The following CFAP299 variants were observed in gnomAD, a reference collection of about 807,000 sequenced individuals.
CFAP299 encodes cilia- and flagella-associated protein 299.
A neutral mutation model predicts 27.0 loss-of-function variants in CFAP299; 21 were observed. The observed-to-expected ratio is 0.78, with a 90% CI of 0.55 to 1.12. The LOEUF is 1.12. Among genes scored for constraint, CFAP299 ranks in the 50% most tolerant of loss-of-function variants. The pLI, the probability that CFAP299 is intolerant of heterozygous loss-of-function variation, is 0.00. For missense variants in CFAP299, 310 were observed against 276.6 expected (o/e 1.12, Z -0.86); for synonymous variants, 104 against 98.1 (o/e 1.06, Z -0.36).
At chr4:80,417,214 T>C (rs1361742472) in intron 2 of CFAP299, among the ~76,000 whole-genome samples, 1 of 152,196 alleles carries the variant, frequency 6.6e-6, no homozygotes, top group African/African-American at 2.4e-5. Context: ...TCTAGCATGC[T>C]AATACATTGT....
chr4:80,393,394 G>T (rs1725600545), intron 2 of CFAP299, among the ~76,000 whole-genome samples: 1 of 152,064 alleles, frequency 6.6e-6, no homozygotes, highest in African/African-American at 2.4e-5. Flanking sequence ...TGTTTATAAA[G>T]CCTACAGTAC....
chr4:80,762,891 G>T (rs919341291), intron 3 of CFAP299, among the ~76,000 whole-genome samples: 4 of 152,180 alleles, frequency 2.6e-5, no homozygotes, highest in African/African-American at 9.7e-5. Context: ...TCTACTTAGG[G>T]TCAGCTGAGG....
intron 3 of CFAP299, among the ~76,000 whole-genome samples, chr4:80,742,463 T>G (rs560388427): frequency 6.6e-6 from 1 of 152,302 alleles, no homozygotes; most frequent in African/African-American, 2.4e-5. Flanking sequence ...TAAAATAAAT[T>G]CCTTGCCCTC....
chr4:80,556,439 A>G (rs1367403956), intron 2 of CFAP299, among the ~76,000 whole-genome samples: 1 of 152,092 alleles, frequency 6.6e-6, no homozygotes, highest in Non-Finnish European at 1.5e-5. Flanking sequence ...GATAATATAT[A>G]TTAAGACGTG....
intron 3 of CFAP299, among the ~76,000 whole-genome samples, chr4:80,735,991 G>A (rs1258207567): frequency 6.6e-6 from 1 of 151,984 alleles, no homozygotes; most frequent in Non-Finnish European, 1.5e-5. Context: ...TTTTTCAGAA[G>A]TTTGAGTAAG....
chr4:80,421,351 T>C (rs1178201323), intron 2 of CFAP299, among the ~76,000 whole-genome samples: 2 of 152,254 alleles, frequency 1.3e-5, no homozygotes. Flanking sequence ...TTGCAACTTC[T>C]CTTAAGCATT....
chr4:80,663,039 A>T (rs959404202), intron 3 of CFAP299, among the ~76,000 whole-genome samples: 123 of 151,994 alleles, frequency 8.1e-4, no homozygotes, highest in African/African-American at 2.9e-3. Context: ...ACAACACATC[A>T]ATGCTTATTC....
chr4:80,514,155 T>G lies in CFAP299; in HGVS notation c.243-68938T>G, dbSNP rs192014068. On this transcript the variant is annotated intron_variant, in intron 2 of 5. Coordinates refer to ENST00000358105, the MANE Select transcript of CFAP299 (RefSeq NM_152770.3). ...TTCCTTTCATGGTCAAAGAGATTTT[T>G]TATAATTTTAGACTAACATCAATTC... Among the ~76,000 whole-genome samples, 21 of 152,198 alleles carry G rather than the reference T, an allele frequency of 1.4e-4. No individual in the cohort carries two copies. In the East Asian group the frequency reaches 3.9e-3, roughly 28 times the overall value.
chr4:80,898,475 G>T (rs192200459), intron 4 of CFAP299, among the ~76,000 whole-genome samples: 62 of 152,178 alleles, frequency 4.1e-4, no homozygotes, highest in Middle Eastern at 3.4e-3. Flanking sequence ...CTGGATGTGG[G>T]GGGTGGGATG....
intron 3 of CFAP299, among the ~76,000 whole-genome samples, chr4:80,868,662 T>C (rs1033364029): frequency 2.6e-5 from 4 of 152,130 alleles, no homozygotes; most frequent in African/African-American, 9.7e-5. Flanking sequence ...TGCTTTCACT[T>C]AGTTTTTGGA....
At chr4:80,350,154 G>C (rs1047987342) in intron 1 of CFAP299, among the ~76,000 whole-genome samples, 7 of 152,166 alleles carry the variant, frequency 4.6e-5, no homozygotes, top group African/African-American at 1.7e-4. Context: ...TTTAAATGGA[G>C]TCCAAAATGA....
intron 3 of CFAP299, chr4:80,649,340 T>C (rs1740177501): frequency 1.3e-5 from 2 of 152,156 alleles, no homozygotes; most frequent in African/African-American, 4.8e-5. Flanking sequence ...AATGACTGGT[T>C]CTGCCTATTG....
chr4:80,544,148 C>G (rs544306809), intron 2 of CFAP299, among the ~76,000 whole-genome samples: 1 of 152,260 alleles, frequency 6.6e-6, no homozygotes, highest in Non-Finnish European at 1.5e-5. Context: ...TTCAGACAAG[C>G]AAATGCCAAG....
At chr4:80,393,469 C>A (rs1187540787) in intron 2 of CFAP299, among the ~76,000 whole-genome samples, 7 of 152,298 alleles carry the variant, frequency 4.6e-5, no homozygotes, top group East Asian at 3.9e-4. Context: ...TCACTGAAAG[C>A]AACTTCCAGT....
intron 2 of CFAP299, among the ~76,000 whole-genome samples, chr4:80,383,797 A>C (rs1560539516): frequency 6.6e-6 from 1 of 152,188 alleles, no homozygotes; most frequent in Non-Finnish European, 1.5e-5. Context: ...GTTAGCCATC[A>C]GAGACACTGC....
chr4:80,898,406 C>G (rs967864554), intron 4 of CFAP299, among the ~76,000 whole-genome samples: 13 of 151,970 alleles, frequency 8.6e-5, no homozygotes, highest in African/African-American at 2.9e-4. Flanking sequence ...CAAACTTAGT[C>G]TCTAATATCC....
intron 2 of CFAP299, among the ~76,000 whole-genome samples, chr4:80,414,010 A>G (rs1726865564): frequency 6.6e-6 from 1 of 151,200 alleles, no homozygotes; most frequent in African/African-American, 2.4e-5. Flanking sequence ...AAGAAGACTC[A>G]GTTGTCTTCT....
At position 80,962,024 on chromosome 4, in the gene CFAP299, G is replaced by A. The variant is rs79056591; in HGVS notation, c.607-1493G>A. 5.7e-3 allele frequency among the ~76,000 whole-genome samples: 861 copies of A among 151,912 alleles called. 12 individuals carry two copies. The highest frequency in any genetic ancestry group is 0.02 in the African/African-American group (825 of 41,500). Reference sequence around the variant, plus strand: ...CAAAAAGGAAAATACAGAAAGAAACGGAAGATCTGCAAAGTTAAATTTCTA... The same window carrying A: ...CAAAAAGGAAAATACAGAAAGAAACAGAAGATCTGCAAAGTTAAATTTCTA... On this transcript the variant is annotated intron_variant, in intron 5 of 5. Coordinates refer to ENST00000358105, the MANE Select transcript of CFAP299 (RefSeq NM_152770.3).
At position 80,692,828 on chromosome 4, in the gene CFAP299, A is replaced by C. The variant is rs547273071; in HGVS notation, c.333+109645A>C. On this transcript the variant is annotated intron_variant, in intron 3 of 5. Coordinates refer to ENST00000358105, the MANE Select transcript of CFAP299 (RefSeq NM_152770.3). ...AAAGGGCTGATATCCAGAATCTATA[A>C]TGAACTCAAACAAATTTACAAGAAA... Among the ~76,000 whole-genome samples the C allele has an allele frequency of 2.0e-5, 3 of 152,338 alleles. No individual in the cohort carries two copies. The East Asian group carries it at 5.8e-4, about 29-fold the overall frequency.
Sources: gnomAD v4.1 joint callset for allele counts (sites outside exome capture counted in the v4.1 genomes callset) on GRCh38, gnomAD v4.1.1 for gene constraint, MANE v1.5 for transcripts, NCBI Gene and HGNC (gene_info 2026-07-23, HGNC 2026-07-21) for gene names.